Variants in KCNG3 observed in about 807,000 individuals in gnomAD.
KCNG3 encodes potassium voltage-gated channel modifier subfamily G member 3, also known as voltage-gated potassium channel regulatory subunit KCNG3.
Under a neutral mutation model 29.0 loss-of-function variants are expected in KCNG3, and 15 were observed. The ratio of observed to expected loss-of-function variants is 0.52; its 90% CI spans 0.35 to 0.80. KCNG3 has a LOEUF of 0.80. KCNG3 is among the 30% of genes least tolerant of loss of function. The pLI, the probability that KCNG3 is intolerant of heterozygous loss-of-function variation, is 0.01. For missense variants in KCNG3, 512 were observed against 605.7 expected (o/e 0.85, Z 1.62); for synonymous variants, 322 against 248.9 (o/e 1.29, Z -2.76).
the KCNG3 span, among the ~76,000 whole-genome samples, chr2:42,415,156 C>A: frequency 6.6e-6 from 1 of 152,122 alleles, no homozygotes; most frequent in Non-Finnish European, 1.5e-5. Flanking sequence ...TGTGTTCCAT[C>A]CTAAGCAGGT....
At chr2:42,473,186 G>A (rs991871761) in intron 1 of KCNG3, among the ~76,000 whole-genome samples, 11 of 151,376 alleles carry the variant, frequency 7.3e-5, no homozygotes, top group African/African-American at 1.2e-4. Flanking sequence ...GTGAGCCACC[G>A]CGTCCGGCCC....
At chr2:42,439,652 A>G (rs200046152), downstream of KCNG3, among the ~76,000 whole-genome samples, 1 of 148,162 alleles carries the variant, frequency 6.7e-6, no homozygotes, top group Non-Finnish European at 1.5e-5. Flanking sequence ...ATAAAAAAAA[A>G]TTTTTTTTTT....
At chr2:42,401,356 TAA>T in the KCNG3 span, among the ~76,000 whole-genome samples, 8 of 150,456 alleles carry the variant, frequency 5.3e-5, no homozygotes, top group African/African-American at 1.7e-4. Flanking sequence ...GTCCATAAAT[TAA>T]AAGACAATAG....
chr2:42,491,212 C>A (rs1303429929), intron 1 of KCNG3, among the ~76,000 whole-genome samples: 1 of 151,918 alleles, frequency 6.6e-6, no homozygotes, highest in Non-Finnish European at 1.5e-5. Context: ...TGTTTCTCTC[C>A]CTAAAATTAC....
rs769876594 is a variant in KCNG3, at chr2:42,493,093, G to T, written c.409C>A (p.Arg137Ser). 5 of 1,575,452 alleles carry T rather than the reference G, an allele frequency of 3.2e-6. No individual in the cohort carries two copies. The highest frequency in any genetic ancestry group is 4.3e-6 in the Non-Finnish European group (5 of 1,165,462). The change falls in exon 1 of 2, where the codon CGC (arginine) becomes AGC (serine). Residue 137 changes from arginine to serine, a missense_variant. Arg to Ser is a moderately radical substitution (Grantham distance 110, BLOSUM62 -1). Around this residue, in one of 5 missense-constraint regions of KCNG3, gnomAD observed 228 missense variants for 200.0 expected, o/e 1.14. Transcript: ENST00000306078. ...YSADEPGVLG[R>S]DEARPGGAEA... Reference sequence around the variant, plus strand: ...GCCCCGCCGGGGCGCGCCTCGTCGCGGCCCAGCACGCCCGGCTCGTCGGCC... The same window carrying T: ...GCCCCGCCGGGGCGCGCCTCGTCGCTGCCCAGCACGCCCGGCTCGTCGGCC...
intron 1 of KCNG3, among the ~76,000 whole-genome samples, chr2:42,449,597 A>C (rs1369413835): frequency 6.8e-6 from 1 of 147,320 alleles, no homozygotes; most frequent in Non-Finnish European, 1.5e-5. Flanking sequence ...GGCTCACTGC[A>C]ACCTCCACCT....
At chr2:42,434,322 G>A in the KCNG3 span, among the ~76,000 whole-genome samples, 7 of 151,588 alleles carry the variant, frequency 4.6e-5, no homozygotes, top group African/African-American at 1.5e-4. Flanking sequence ...CAGGCATGGT[G>A]GTACACACTT....
At chr2:42,466,584 G>A (rs1673145749) in intron 1 of KCNG3, among the ~76,000 whole-genome samples, 1 of 152,076 alleles carries the variant, frequency 6.6e-6, no homozygotes, top group African/African-American at 2.4e-5. Flanking sequence ...AGGTTTGTGT[G>A]AGGACTCTCT....
intron 1 of KCNG3, among the ~76,000 whole-genome samples, chr2:42,468,607 G>C (rs1008271144): frequency 6.6e-6 from 1 of 152,078 alleles, no homozygotes; most frequent in African/African-American, 2.4e-5. Context: ...GAATAGTGGA[G>C]TAAGTGGAAT....
intron 1 of KCNG3, among the ~76,000 whole-genome samples, chr2:42,492,235 G>A (rs1178579897): frequency 6.6e-6 from 1 of 152,192 alleles, no homozygotes; most frequent in Non-Finnish European, 1.5e-5. Context: ...CGGTGGACAA[G>A]AGGTTTGCTA....
At chr2:42,401,826 G>C in the KCNG3 span, among the ~76,000 whole-genome samples, 5 of 152,266 alleles carry the variant, frequency 3.3e-5, no homozygotes, top group African/African-American at 9.6e-5. Context: ...GGAGGTTTCA[G>C]TGAGCCAAGC....
the KCNG3 span, among the ~76,000 whole-genome samples, chr2:42,416,731 T>C: frequency 1.1e-4 from 16 of 151,458 alleles, no homozygotes; most frequent in Non-Finnish European, 1.5e-4. Flanking sequence ...AGTGGGAGAA[T>C]TGCTTGAACC....
At chr2:42,466,798 G>A (rs1240056563) in intron 1 of KCNG3, among the ~76,000 whole-genome samples, 2 of 149,886 alleles carry the variant, frequency 1.3e-5, no homozygotes, top group African/African-American at 4.9e-5. Context: ...TGTCATCCAG[G>A]CTGGAGTGCA....
At chr2:42,393,263 TAA>T in the KCNG3 span, among the ~76,000 whole-genome samples, 24 of 143,194 alleles carry the variant, frequency 1.7e-4, no homozygotes, top group Admixed American at 2.8e-4. Context: ...TCTCTTACAT[TAA>T]AAAAAAAAAA....
At chr2:42,391,257 C>T in the KCNG3 span, among the ~76,000 whole-genome samples, 711 of 152,258 alleles carry the variant, frequency 4.7e-3, 2 homozygotes, top group Non-Finnish European at 7.6e-3. Flanking sequence ...ACTCATGGAG[C>T]GCTCCACATT....
At position 42,442,857 on chromosome 2, in the gene KCNG3, A is replaced by G. The variant is rs1672515729; in HGVS notation, c.*1077T>C. ...CTGTGATTCACAATAGTTAAAGATC[A>G]GATCAAATCATTATGTATCCATCGC... On this transcript the variant is annotated 3_prime_UTR_variant, in exon 2 of 2. Coordinates refer to ENST00000306078, the MANE Select transcript of KCNG3 (RefSeq NM_133329.6). The G allele has an allele frequency of 6.6e-6, 1 of 152,228 alleles. No individual in the cohort carries two copies. Among genetic ancestry groups the G allele is most frequent in the African/African-American group, 2.4e-5 (1 of 41,464 alleles). 9.4% of individuals were successfully genotyped at this position (152,228 alleles called of 1,614,324 possible).
chr2:42,469,442 G>C (rs1166037388), intron 1 of KCNG3, among the ~76,000 whole-genome samples: 2 of 149,976 alleles, frequency 1.3e-5, no homozygotes, highest in Non-Finnish European at 3.0e-5. Flanking sequence ...AAATAGGATA[G>C]TGAACCTAGA....
chr2:42,486,420 G>C (rs986266734), intron 1 of KCNG3, among the ~76,000 whole-genome samples: 1 of 152,128 alleles, frequency 6.6e-6, no homozygotes, highest in Admixed American at 6.6e-5. Flanking sequence ...CTACCCAGTG[G>C]TGTTTTTAAA....
chr2:42,429,000 T>C, the KCNG3 span, among the ~76,000 whole-genome samples: 1 of 152,072 alleles, frequency 6.6e-6, no homozygotes, highest in Non-Finnish European at 1.5e-5. Context: ...ACTCTTGTAA[T>C]CCCAGCTACT....
Sources: allele counts gnomAD v4.1 joint callset (sites outside exome capture counted in the v4.1 genomes callset), GRCh38; gene constraint gnomAD v4.1.1; regional missense constraint gnomAD v4.1.1; transcripts MANE v1.5; gene names NCBI Gene and HGNC (gene_info 2026-07-23, HGNC 2026-07-21).